Variants in E2F3 observed in about 807,000 individuals in gnomAD.
E2F3 encodes E2F transcription factor 3, also known as transcription factor E2F3.
Under a neutral mutation model 44.4 loss-of-function variants are expected in E2F3, and 11 were observed. The observed-to-expected ratio is 0.25, with a 90% CI of 0.16 to 0.41. E2F3 has a LOEUF of 0.41. Ranked by LOEUF, E2F3 falls within the 10% of genes least tolerant of loss-of-function variation. The probability of loss-of-function intolerance (pLI) is 1.00; values close to 1 mark genes in which losing one functional copy is unlikely to be tolerated. For synonymous variants in E2F3, 249 were observed against 253.0 expected, an observed-to-expected ratio of 0.98 and a Z score of 0.15; for missense variants, 487 against 583.6, an observed-to-expected ratio of 0.83 and a Z score of 1.70.
intron 3 of E2F3, among the ~76,000 whole-genome samples, 163 bp from the exon 4 acceptor site, chr6:20,482,599 A>AATATATAT (rs148425868): frequency 1.5e-5 from 2 of 134,488 alleles, no homozygotes; most frequent in Non-Finnish European, 3.3e-5. Flanking sequence ...TGAAAAAAAA[A>AATATATAT]ATATATATAT....
chr6:20,440,263 G>T (rs1760729957), intron 1 of E2F3: 1 of 152,154 alleles, frequency 6.6e-6, no homozygotes. Context: ...GACTTCCAAA[G>T]AAATCATAAC....
In E2F3 at chr6:20,482,934, C is replaced by T. The variant is rs759995517; in HGVS notation, c.884+14C>T. ...AGAGAATCAAAGATATCCTTTGTGCCGCCAGTTCTCTGGGGGTTAGTGCTT... is the reference window on the plus strand; with the variant it reads ...AGAGAATCAAAGATATCCTTTGTGCTGCCAGTTCTCTGGGGGTTAGTGCTT... On this transcript the variant is annotated intron_variant, in intron 4 of 6. Transcript: ENST00000346618. 7 of 1,612,824 alleles carry T rather than the reference C, an allele frequency of 4.3e-6. No homozygotes were observed. Among genetic ancestry groups the T allele is most frequent in the Admixed American group, 3.3e-5 (2 of 59,978 alleles).
chr6:20,403,631 G>A (rs904923349), intron 1 of E2F3: 44 of 484,688 alleles, frequency 9.1e-5, no homozygotes, highest in Admixed American at 3.1e-4. Context: ...CCTGCTCGCC[G>A]GCTCCCTGGC....
At chr6:20,462,804 G>A (rs1761559012) in intron 1 of E2F3, among the ~76,000 whole-genome samples, 2 of 149,524 alleles carry the variant, frequency 1.3e-5, no homozygotes, top group South Asian at 4.2e-4. Flanking sequence ...TGGGTATCGG[G>A]CAGGGCAGGT....
chr6:20,472,471 G>A (rs535765152), intron 1 of E2F3, among the ~76,000 whole-genome samples: 7 of 152,152 alleles, frequency 4.6e-5, no homozygotes, highest in African/African-American at 1.4e-4. Flanking sequence ...AGGGTCATTT[G>A]AGCATAGGAG....
At position 20,402,571 on chromosome 6, in the gene E2F3, G is replaced by A. The variant is rs774979715; in HGVS notation, c.339G>A (p.Leu113=). The A allele has an allele frequency of 8.8e-5, 134 of 1,526,898 alleles. No homozygotes were observed. The highest frequency in any genetic ancestry group is 1.9e-4 in the Middle Eastern group (1 of 5,140). The allele number at this position is 1,526,898 out of a possible 1,614,324, so 94.6% of individuals were successfully genotyped here. A position where few individuals can be genotyped will look rare whatever the true frequency, so the allele number is the denominator to read the frequency against. Residue 113 remains leucine (L), a synonymous_variant, in exon 1 of 7, where the codon CTG becomes CTA. Coordinates refer to ENST00000346618, the MANE Select transcript of E2F3 (RefSeq NM_001949.5). The surrounding 1 kb of genome is among the most constrained non-coding windows in gnomAD (Gnocchi z 5.6). ...PHGPSSRAGL[L]QQPPALGRGG... ...GACCCTCCAGCAGAGCCGGGCTGCT[G>A]CAGCAGCCACCAGCGCTGGGACGCG...
chr6:20,463,866 C>CA (rs1244596936), intron 1 of E2F3, among the ~76,000 whole-genome samples: 1 of 152,224 alleles, frequency 6.6e-6, no homozygotes, highest in Non-Finnish European at 1.5e-5. Flanking sequence ...ATGCCAGTCG[C>CA]AAGCCCCAGA....
chr6:20,438,436 G>A (rs1249763685), intron 1 of E2F3, among the ~76,000 whole-genome samples: 1 of 152,058 alleles, frequency 6.6e-6, no homozygotes, highest in Admixed American at 6.6e-5. Flanking sequence ...TTTGCCTCAA[G>A]GTGTATAAAC....
intron 1 of E2F3, among the ~76,000 whole-genome samples, chr6:20,461,134 T>A (rs1336948642): frequency 1.3e-5 from 2 of 152,150 alleles, no homozygotes; most frequent in African/African-American, 4.8e-5. Context: ...TTTAATTTTT[T>A]AATTTACTAT....
Position 20,490,167 on chromosome 6 carries a change from G to T in E2F3, c.1136-1G>T. Reference sequence around the variant, plus strand: ...TGTTTCCATCAATGTTTTCTTTTCAGACTTGGCTTCAACCAACTCAGGACA... The same window carrying T: ...TGTTTCCATCAATGTTTTCTTTTCATACTTGGCTTCAACCAACTCAGGACA... On this transcript the variant is annotated splice_acceptor_variant, in intron 6 of 6. Transcript: ENST00000346618. LOFTEE classifies it high-confidence loss of function. This position sits in a 1 kb window ranked among gnomAD's most constrained non-coding sequence, Gnocchi z 4.3. The T allele has an allele frequency of 6.4e-7, 1 of 1,558,326 alleles. No homozygotes were observed. The highest frequency in any genetic ancestry group is 8.7e-7 in the Non-Finnish European group (1 of 1,153,806).
chr6:20,418,445 G>A lies in E2F3; in HGVS notation c.393+15820G>A, dbSNP rs569984975. 2.0e-5 allele frequency among the ~76,000 whole-genome samples: 3 copies of A among 152,272 alleles called. No individual in the cohort carries two copies. The East Asian group carries it at 5.8e-4, about 29-fold the overall frequency. On this transcript the variant is annotated intron_variant, in intron 1 of 6. Coordinates refer to ENST00000346618, the MANE Select transcript of E2F3 (RefSeq NM_001949.5). ...GGTCTCTTGCAATTTTTGCACCCTA[G>A]GGAGATCTCAATAGGAGTAGGTCTA...
chr6:20,476,937 C>T (rs921774734), intron 1 of E2F3, among the ~76,000 whole-genome samples: 1 of 152,192 alleles, frequency 6.6e-6, no homozygotes, highest in African/African-American at 2.4e-5. Flanking sequence ...TGATGTTTAA[C>T]TTAGCACTGC....
rs1166105853 is a variant in E2F3 at position 20,493,423 on chromosome 6, G to A, written c.*2993G>A. On this transcript the variant is annotated 3_prime_UTR_variant, in exon 7 of 7. Transcript: ENST00000346618. ...GTCGGGTGGCAATTGTCAGGGTGTGGGAATTTCTTTTCCTACGGGGTACGT... is the reference window on the plus strand; with the variant it reads ...GTCGGGTGGCAATTGTCAGGGTGTGAGAATTTCTTTTCCTACGGGGTACGT... 1 of 227,800 alleles carries A rather than the reference G, an allele frequency of 4.4e-6. No individual in the cohort carries two copies. The highest frequency in any genetic ancestry group is 5.7e-5 in the Admixed American group (1 of 17,584). 14.1% of individuals were successfully genotyped at this position (227,800 alleles called of 1,614,324 possible). A position where few individuals can be genotyped will look rare whatever the true frequency, so the allele number is the denominator to read the frequency against.
chr6:20,450,010 C>T (rs1340530904), intron 1 of E2F3, among the ~76,000 whole-genome samples: 2 of 152,256 alleles, frequency 1.3e-5, no homozygotes, highest in East Asian at 1.9e-4. Flanking sequence ...TTTCATTATC[C>T]GGTCTATCAT....
chr6:20,473,447 A>G (rs2127616085), intron 1 of E2F3, among the ~76,000 whole-genome samples: 1 of 152,348 alleles, frequency 6.6e-6, no homozygotes. Flanking sequence ...TAAGATAACA[A>G]AATTGAGTGG....
chr6:20,482,597 A>AT (rs1554141447), intron 3 of E2F3, among the ~76,000 whole-genome samples, 165 bp from the exon 4 acceptor site: 82 of 119,036 alleles, frequency 6.9e-4, no homozygotes, highest in East Asian at 3.1e-3. Context: ...TATGAAAAAA[A>AT]AAATATATAT....
chr6:20,417,762 G>T (rs1218891545), intron 1 of E2F3, among the ~76,000 whole-genome samples: 1 of 152,000 alleles, frequency 6.6e-6, no homozygotes, highest in African/African-American at 2.4e-5. Flanking sequence ...GGACGGTTTG[G>T]TAGTTCCTTT....
At position 20,430,374 on chromosome 6, in the gene E2F3, G is replaced by A. The variant is rs376258900; in HGVS notation, c.393+27749G>A. Among the ~76,000 whole-genome samples the A allele has an allele frequency of 1.5e-4, 23 of 152,162 alleles. No individual in the cohort carries two copies. In the South Asian group the frequency reaches 3.9e-3, roughly 26 times the overall value. ...GAAAATACCAGGAAATACCACTCACGTCTGACATCTCCCTGCATAACTTTA... is the reference window on the plus strand; with the variant it reads ...GAAAATACCAGGAAATACCACTCACATCTGACATCTCCCTGCATAACTTTA... On this transcript the variant is annotated intron_variant, in intron 1 of 6. Transcript: ENST00000346618.
intron 1 of E2F3, among the ~76,000 whole-genome samples, chr6:20,471,465 C>G (rs1056927674): frequency 6.6e-6 from 1 of 152,026 alleles, no homozygotes; most frequent in East Asian, 1.9e-4. Flanking sequence ...GCCTGTAATC[C>G]CAGCTACTTG....
Sources: allele counts gnomAD v4.1 joint callset (sites outside exome capture counted in the v4.1 genomes callset), GRCh38; gene constraint gnomAD v4.1.1; non-coding constraint Gnocchi (gnomAD v3.1); transcripts MANE v1.5; gene names NCBI Gene and HGNC (gene_info 2026-07-23, HGNC 2026-07-21).